The following SOX6 variants were observed in gnomAD, a reference collection of about 807,000 sequenced individuals.
SOX6 encodes the protein transcription factor SOX-6.
SOX6 carries 11 observed loss-of-function variants against 97.8 expected under a neutral mutation model. The observed-to-expected ratio is 0.11, with a 90% CI of 0.07 to 0.19. The LOEUF is 0.19. Among genes scored for constraint, SOX6 ranks in the 10% least tolerant of loss-of-function variants. The pLI is 1.00. For synonymous variants in SOX6, 360 were observed against 371.4 expected, an observed-to-expected ratio of 0.97 and a Z score of 0.35; for missense variants, 810 against 1,039.5, an observed-to-expected ratio of 0.78 and a Z score of 3.04.
intron 6 of SOX6, among the ~76,000 whole-genome samples, chr11:16,158,516 C>A (rs1306925330): frequency 6.6e-6 from 1 of 151,912 alleles, no homozygotes; most frequent in Non-Finnish European, 1.5e-5. Flanking sequence ...GATAAATGTC[C>A]TGTTTCTTCA....
At chr11:16,072,453 AGACCAAATCTAT>A (rs1441314085) in intron 9 of SOX6, among the ~76,000 whole-genome samples, 5 of 152,204 alleles carry the variant, frequency 3.3e-5, no homozygotes, top group Non-Finnish European at 7.3e-5. Context: ...TTATGTAAAG[AGACCAAATCTAT>A]GACTCTTTGA....
chr11:16,208,769 T>A (rs1045014024), intron 4 of SOX6, among the ~76,000 whole-genome samples: 1 of 152,192 alleles, frequency 6.6e-6, no homozygotes, highest in African/African-American at 2.4e-5. Flanking sequence ...CTCAGAGATA[T>A]AACATCTTCC....
intron 6 of SOX6, among the ~76,000 whole-genome samples, chr11:16,124,198 A>T (rs564404229): frequency 6.6e-6 from 1 of 152,266 alleles, no homozygotes; most frequent in East Asian, 1.9e-4. Context: ...TTCATTTATT[A>T]AACAAATGTT....
rs146688356 is a variant in SOX6, at chr11:16,356,273, C to G, written c.-184G>C. Reference sequence around the variant, plus strand: ...TAATTAATCTCTGCCAAGTCTCAGGCTACCAATTGTAGCCATAACTTTAAG... The same window carrying G: ...TAATTAATCTCTGCCAAGTCTCAGGGTACCAATTGTAGCCATAACTTTAAG... On this transcript the variant is annotated 5_prime_UTR_variant, in exon 1 of 16. Coordinates refer to ENST00000683767, the MANE Select transcript of SOX6 (RefSeq NM_001367873.1). Among the ~76,000 whole-genome samples, 127 of 150,178 alleles carry G rather than the reference C, an allele frequency of 8.5e-4. No individual in the cohort carries two copies. Among genetic ancestry groups the G allele is most frequent in the African/African-American group, 2.9e-3 (121 of 41,114 alleles).
intron 6 of SOX6, among the ~76,000 whole-genome samples, chr11:16,170,627 C>G (rs1484870904): frequency 6.6e-6 from 1 of 151,958 alleles, no homozygotes; most frequent in Non-Finnish European, 1.5e-5. Flanking sequence ...CCGAATGGGA[C>G]GGACTTGCTG....
At chr11:16,693,295 T>C (rs1222455092) in intron 3 of SOX6, among the ~76,000 whole-genome samples, 2 of 152,198 alleles carry the variant, frequency 1.3e-5, no homozygotes, top group Non-Finnish European at 2.9e-5. Context: ...GGTGGTGATT[T>C]TTCCTCCAAC....
chr11:16,724,463 A>G (rs1285849279), intron 2 of SOX6, among the ~76,000 whole-genome samples: 3 of 148,820 alleles, frequency 2.0e-5, no homozygotes, highest in Non-Finnish European at 3.0e-5. Context: ...CGTGGTCTTC[A>G]TTCAGAAAGG....
chr11:16,556,268 A>C (rs1847747656), intron 4 of SOX6, among the ~76,000 whole-genome samples: 1 of 151,720 alleles, frequency 6.6e-6, no homozygotes, highest in African/African-American at 2.4e-5. Context: ...CTACATCCCC[A>C]AACAAACAAC....
chr11:16,523,170 G>A (rs1173354540), intron 4 of SOX6, among the ~76,000 whole-genome samples: 4 of 138,676 alleles, frequency 2.9e-5, no homozygotes, highest in Admixed American at 1.4e-4. Context: ...CAAATCAACA[G>A]AATATACATT....
intron 15 of SOX6, 126 bp downstream of exon 15, chr11:15,986,077 CA>C: frequency 2.2e-6 from 2 of 914,740 alleles, no homozygotes; most frequent in Non-Finnish European, 3.6e-6. Context: ...TTCTCATGGC[CA>C]AGCCCCTTCA....
intron 4 of SOX6, among the ~76,000 whole-genome samples, chr11:16,599,257 G>C (rs779825362): frequency 3.3e-5 from 5 of 151,912 alleles, no homozygotes; most frequent in Non-Finnish European, 5.9e-5. Flanking sequence ...TGAATTCCTC[G>C]CCACACACAC....
chr11:16,414,311 A>G (rs539328840), intron 1 of SOX6, among the ~76,000 whole-genome samples: 22 of 152,350 alleles, frequency 1.4e-4, no homozygotes, highest in African/African-American at 4.8e-4. Flanking sequence ...ACTCATCTGC[A>G]AATTCAAGAA....
At chr11:16,344,090 C>CATATA (rs1335596677) in intron 1 of SOX6, among the ~76,000 whole-genome samples, 2 of 152,014 alleles carry the variant, frequency 1.3e-5, no homozygotes, top group Non-Finnish European at 2.9e-5. Context: ...TTTTCCAAAT[C>CATATA]ATATAATTTC....
At chr11:16,655,051 A>G (rs1847703855) in intron 3 of SOX6, among the ~76,000 whole-genome samples, 1 of 152,218 alleles carries the variant, frequency 6.6e-6, no homozygotes, top group Admixed American at 6.5e-5. Flanking sequence ...AGGTGGTCGG[A>G]GAAGGAAAGG....
intron 6 of SOX6, among the ~76,000 whole-genome samples, chr11:16,153,601 A>G (rs1051909955): frequency 6.6e-6 from 1 of 152,132 alleles, no homozygotes; most frequent in Non-Finnish European, 1.5e-5. Context: ...ACTGAAACCC[A>G]CTGGGGTCCA....
At chr11:16,232,690 A>G (rs16932786) in intron 4 of SOX6, among the ~76,000 whole-genome samples, 6,551 of 152,196 alleles carry the variant, frequency 0.043, 260 homozygotes, top group African/African-American at 0.11. Context: ...AAGAGAAAGC[A>G]GGACCCTCAT....
intron 9 of SOX6, among the ~76,000 whole-genome samples, chr11:16,091,709 A>T (rs964447871): frequency 7.9e-5 from 12 of 152,066 alleles, no homozygotes; most frequent in African/African-American, 2.9e-4. Flanking sequence ...TATGGTTGAC[A>T]GGTTTTCTTA....
chr11:16,260,975 A>C (rs7949077), intron 3 of SOX6, among the ~76,000 whole-genome samples: 118,901 of 152,008 alleles, frequency 0.78, 46,644 homozygotes, highest in Non-Finnish European at 0.8. Context: ...ACCTTCACAC[A>C]TACTCCTCCC....
At chr11:16,000,977 C>T (rs1160945794) in intron 13 of SOX6, among the ~76,000 whole-genome samples, 16 of 152,086 alleles carry the variant, frequency 1.1e-4, no homozygotes, top group Admixed American at 1.0e-3. Flanking sequence ...CTGCCTCAGC[C>T]TCCCGAGTAA....
Sources: gnomAD v4.1 joint callset for allele counts (sites outside exome capture counted in the v4.1 genomes callset) on GRCh38, gnomAD v4.1.1 for gene constraint, MANE v1.5 for transcripts, NCBI Gene and HGNC (gene_info 2026-07-23, HGNC 2026-07-21) for gene names.